SERPINA12: variants seen among roughly 807,000 people sequenced by gnomAD.
The protein encoded by SERPINA12 is serpin A12.
A neutral mutation model predicts 25.9 loss-of-function variants in SERPINA12; 21 were observed. The ratio of observed to expected loss-of-function variants is 0.81; its 90% CI spans 0.58 to 1.17. The LOEUF is 1.17. Among genes scored for constraint, SERPINA12 ranks in the 50% most tolerant of loss-of-function variants. SERPINA12 has a pLI of 0.00. For missense variants in SERPINA12, 562 were observed against 508.3 expected (o/e 1.11, Z -1.02); for synonymous variants, 220 against 196.0 (o/e 1.12, Z -1.02).
intron 1 of SERPINA12, among the ~76,000 whole-genome samples, chr14:94,504,540 AT>A (rs1900865247): frequency 6.6e-6 from 1 of 152,222 alleles, no homozygotes; most frequent in African/African-American, 2.4e-5. Context: ...GGTCATTCCC[AT>A]GTATCCCTCA....
chr14:94,496,206 A>G (rs948163179), intron 3 of SERPINA12, among the ~76,000 whole-genome samples, 167 bp downstream of exon 3: 4 of 152,184 alleles, frequency 2.6e-5, no homozygotes, highest in African/African-American at 7.2e-5. Context: ...AGAGCCAGGC[A>G]CTTCACTCTA....
intron 3 of SERPINA12, among the ~76,000 whole-genome samples, chr14:94,491,742 A>G (rs1341632068): frequency 6.6e-6 from 1 of 152,084 alleles, no homozygotes; most frequent in African/African-American, 2.4e-5. Flanking sequence ...TGAGATGGGC[A>G]GGCTTGGGGA....
At chr14:94,495,322 C>T (rs1900370057) in intron 3 of SERPINA12, among the ~76,000 whole-genome samples, 1 of 152,056 alleles carries the variant, frequency 6.6e-6, no homozygotes. Flanking sequence ...CCCGCCTCGG[C>T]CTCCCAAAGT....
At chr14:94,512,216 TC>T (rs1425525870), upstream of SERPINA12, among the ~76,000 whole-genome samples, 1 of 152,034 alleles carries the variant, frequency 6.6e-6, no homozygotes, top group Non-Finnish European at 1.5e-5. Context: ...CGCAGCTCCA[TC>T]CCCCACCCAC....
At chr14:94,497,073 G>A (rs1264959636) in intron 2 of SERPINA12, among the ~76,000 whole-genome samples, 1 of 152,178 alleles carries the variant, frequency 6.6e-6, no homozygotes, top group Non-Finnish European at 1.5e-5. Flanking sequence ...TGACACTCCA[G>A]CAGTGATTTT....
intron 3 of SERPINA12, among the ~76,000 whole-genome samples, chr14:94,491,264 C>T (rs1391260894): frequency 6.6e-6 from 1 of 152,162 alleles, no homozygotes; most frequent in Non-Finnish European, 1.5e-5. Flanking sequence ...TAGCGGTATG[C>T]AGAAGGCAGT....
rs754016555 is a variant in SERPINA12, at chr14:94,496,362, A to T, written c.905+11T>A. ...AAGGAAAAAGCTGCGAGGGCTAGGC[A>T]CCCACTTTACCTGCGTGACAGTAAT... On this transcript the variant is annotated intron_variant, in intron 3 of 4. Coordinates refer to ENST00000677451, the MANE Select transcript of SERPINA12 (RefSeq NM_001382267.1). The T allele has an allele frequency of 6.2e-7, 1 of 1,613,998 alleles. No individual in the cohort carries two copies. Among genetic ancestry groups the T allele is most frequent in the East Asian group, 2.2e-5 (1 of 44,890 alleles).
chr14:94,510,661 T>G (rs1352320933), upstream of SERPINA12, among the ~76,000 whole-genome samples: 6 of 152,106 alleles, frequency 3.9e-5, no homozygotes, highest in Non-Finnish European at 5.9e-5. Flanking sequence ...TGCACACACA[T>G]GTTGCGTAAT....
intron 3 of SERPINA12, among the ~76,000 whole-genome samples, chr14:94,493,817 A>G (rs1435877137): frequency 6.6e-6 from 1 of 152,066 alleles, no homozygotes; most frequent in African/African-American, 2.4e-5. Flanking sequence ...GTTCTATTTC[A>G]CTCTTGTGTA....
rs969940838 is a variant in SERPINA12 at position 94,517,016 on chromosome 14, GA to G, written c.-353+384del. ...CAAGGGGGAGGAAAAAGCCTCGGGGGAAAAGCAGTGAACTTGCTGACCATAA... is the reference window on the plus strand; with the variant it reads ...CAAGGGGGAGGAAAAAGCCTCGGGGGAAAGCAGTGAACTTGCTGACCATAA... On this transcript the variant is annotated intron_variant, in intron 1 of 5. Transcript: ENST00000341228. Among the ~76,000 whole-genome samples, 3 of 152,210 alleles carry G rather than the reference GA, an allele frequency of 2.0e-5. 1 individual carries two copies. Among genetic ancestry groups the G allele is most frequent in the Admixed American group, 2.0e-4 (3 of 15,286 alleles).
intron 3 of SERPINA12, among the ~76,000 whole-genome samples, chr14:94,492,821 A>G (rs1170430125): frequency 6.6e-6 from 1 of 152,180 alleles, no homozygotes; most frequent in Non-Finnish European, 1.5e-5. Flanking sequence ...GGCTATTTCA[A>G]AGCCACCAGC....
chr14:94,487,405 T>A lies in SERPINA12; in HGVS notation c.1143A>T (p.Pro381=), dbSNP rs1352426946. The A allele has an allele frequency of 6.2e-7, 1 of 1,613,908 alleles. No homozygotes were observed. Among genetic ancestry groups the A allele is most frequent in the Admixed American group, 1.7e-5 (1 of 59,996 alleles). Residue 381 remains proline (P), a synonymous_variant, in exon 5 of 5, where the codon CCA becomes CCT. Transcript: ENST00000677451. ...AGGGTTTGTCTATCTTGACGACGAG[T>A]GGTGTCTCCATGGGCAGAGTCTGTG... ...TGAQTLPMET[P]LVVKIDKPYL...
intron 4 of SERPINA12, among the ~76,000 whole-genome samples, chr14:94,488,833 G>A (rs552793401): frequency 5.9e-5 from 9 of 152,294 alleles, no homozygotes; most frequent in African/African-American, 1.9e-4. Context: ...GGTGGCTCAC[G>A]CCTGTAATCC....
At chr14:94,500,819 G>A (rs762512999) in intron 1 of SERPINA12, 32 of 983,320 alleles carry the variant, frequency 3.3e-5, no homozygotes, top group Non-Finnish European at 3.7e-5. Flanking sequence ...CCCCAGTGAC[G>A]TTGAGTTACA....
chr14:94,516,624 T>C (rs1179733577), intron 1 of SERPINA12, among the ~76,000 whole-genome samples: 1 of 152,220 alleles, frequency 6.6e-6, no homozygotes, highest in Non-Finnish European at 1.5e-5. Flanking sequence ...TAGCCAACTC[T>C]TACCTGGAAC....
intron 1 of SERPINA12, among the ~76,000 whole-genome samples, chr14:94,499,177 A>G (rs918623651): frequency 4.6e-5 from 7 of 152,214 alleles, no homozygotes; most frequent in Non-Finnish European, 8.8e-5. Context: ...GTTTAAGCTC[A>G]TATGTTCTCT....
chr14:94,500,362 C>A (rs975703576), intron 1 of SERPINA12, among the ~76,000 whole-genome samples: 1 of 152,046 alleles, frequency 6.6e-6, no homozygotes, highest in Non-Finnish European at 1.5e-5. Context: ...TCTTTTTCTT[C>A]TTTTCAATAA....
intron 3 of SERPINA12, among the ~76,000 whole-genome samples, 200 bp from the exon 4 acceptor site, chr14:94,489,967 G>A (rs1384241026): frequency 6.6e-6 from 1 of 152,092 alleles, no homozygotes; most frequent in East Asian, 1.9e-4. Context: ...CCGTGTCCCT[G>A]CCTCCCAGCA....
At chr14:94,501,674 A>ACCCCCCCCCCCCCCCCC (rs1235399013) in intron 1 of SERPINA12, among the ~76,000 whole-genome samples, 1 of 38,822 alleles carries the variant, frequency 2.6e-5, no homozygotes, top group East Asian at 9.6e-4. Context: ...CCGCCCCCCC[A>ACCCCCCCCCCCCCCCCC]CCCCCGCCCC....
Sources: allele counts gnomAD v4.1 joint callset (sites outside exome capture counted in the v4.1 genomes callset), GRCh38; gene constraint gnomAD v4.1.1; transcripts MANE v1.5; gene names NCBI Gene and HGNC (gene_info 2026-07-23, HGNC 2026-07-21).